DLGAP2: variants seen among roughly 807,000 people sequenced by gnomAD.
The protein encoded by DLGAP2 is disks large-associated protein 2.
In DLGAP2, 26 loss-of-function variants were observed where a neutral mutation model predicts 100.3. The ratio of observed to expected loss-of-function variants is 0.26; its 90% CI spans 0.19 to 0.36. DLGAP2 has a LOEUF of 0.36. Ranked by LOEUF, DLGAP2 falls within the 10% of genes least tolerant of loss-of-function variation. The probability of loss-of-function intolerance (pLI) is 1.00; values close to 1 mark genes in which losing one functional copy is unlikely to be tolerated. For synonymous variants in DLGAP2, 886 were observed against 630.1 expected (o/e 1.41, Z -6.08); for missense variants, 1,858 against 1,453.2 (o/e 1.28, Z -4.53).
intron 2 of DLGAP2, among the ~76,000 whole-genome samples, chr8:1,222,750 G>T (rs1270608255): frequency 6.6e-6 from 1 of 152,090 alleles, no homozygotes; most frequent in African/African-American, 2.4e-5. Flanking sequence ...GGCTCTGCTG[G>T]TGAGAGGGCT....
At chr8:1,214,637 G>A (rs1002303646) in intron 2 of DLGAP2, among the ~76,000 whole-genome samples, 7 of 152,182 alleles carry the variant, frequency 4.6e-5, no homozygotes, top group African/African-American at 1.7e-4. Flanking sequence ...CTTCCCTATT[G>A]TCTGTTTTCA....
chr8:1,492,744 C>G (rs940076926), intron 3 of DLGAP2, among the ~76,000 whole-genome samples: 2 of 152,210 alleles, frequency 1.3e-5, no homozygotes, highest in Admixed American at 1.3e-4. Flanking sequence ...CGGCTCCATG[C>G]TCATGGCGAC....
At chr8:1,494,478 C>A (rs970449365) in intron 3 of DLGAP2, among the ~76,000 whole-genome samples, 4 of 152,212 alleles carry the variant, frequency 2.6e-5, no homozygotes, top group Non-Finnish European at 5.9e-5. Flanking sequence ...ACGCCTTAAT[C>A]CCAGCACTTT....
At chr8:1,547,351 G>A (rs567424107) in intron 4 of DLGAP2, among the ~76,000 whole-genome samples, 4 of 152,112 alleles carry the variant, frequency 2.6e-5, no homozygotes, top group African/African-American at 7.2e-5. Context: ...TCCCCTAAAA[G>A]TTGGTGGATG....
At chr8:1,373,450 G>A (rs1162683999) in intron 3 of DLGAP2, among the ~76,000 whole-genome samples, 1 of 152,194 alleles carries the variant, frequency 6.6e-6, no homozygotes, top group African/African-American at 2.4e-5. Flanking sequence ...ACAGAGAGCC[G>A]TGTCGGCCGA....
chr8:1,297,894 C>T (rs1329265403), intron 3 of DLGAP2, among the ~76,000 whole-genome samples: 1 of 49,546 alleles, frequency 2.0e-5, no homozygotes, highest in Non-Finnish European at 3.9e-5. Flanking sequence ...GGAGGAGAAA[C>T]GTGGCAGGCA....
intron 1 of DLGAP2, among the ~76,000 whole-genome samples, chr8:833,885 T>C (rs1796825518): frequency 6.6e-6 from 1 of 152,242 alleles, no homozygotes. Flanking sequence ...GGTTGGATTA[T>C]CCTCTTTGCC....
intron 2 of DLGAP2, among the ~76,000 whole-genome samples, chr8:1,139,740 G>A (rs1378720649): frequency 6.6e-6 from 1 of 152,206 alleles, no homozygotes; most frequent in Non-Finnish European, 1.5e-5. Flanking sequence ...CCTTCTTGGA[G>A]AGGGAGTGAG....
intron 3 of DLGAP2, among the ~76,000 whole-genome samples, chr8:1,365,784 C>T (rs1174270481): frequency 3.3e-5 from 5 of 152,202 alleles, no homozygotes; most frequent in East Asian, 1.9e-4. Context: ...TGAGAAGGCA[C>T]GTGGGGGACC....
intron 2 of DLGAP2, among the ~76,000 whole-genome samples, chr8:925,956 A>T (rs1055411955): frequency 6.6e-6 from 1 of 152,154 alleles, no homozygotes; most frequent in Non-Finnish European, 1.5e-5. Flanking sequence ...AGGAGCGGAT[A>T]TGTCATGGAG....
At chr8:748,131 G>A (rs1419044315) in intron 1 of DLGAP2, among the ~76,000 whole-genome samples, 1 of 28,206 alleles carries the variant, frequency 3.5e-5, no homozygotes, top group African/African-American at 1.0e-4. Flanking sequence ...GCTCTGCGGT[G>A]GGATGGGCGG....
At chr8:1,062,018 G>A (rs924669583) in intron 2 of DLGAP2, among the ~76,000 whole-genome samples, 8 of 151,110 alleles carry the variant, frequency 5.3e-5, no homozygotes, top group African/African-American at 1.9e-4. Context: ...GGGATCATTT[G>A]TGAAATGAGA....
intron 3 of DLGAP2, among the ~76,000 whole-genome samples, chr8:1,287,137 T>TGTGG (rs1799939256): frequency 7.6e-6 from 1 of 131,222 alleles, no homozygotes; most frequent in Non-Finnish European, 1.7e-5. Flanking sequence ...TCAGCGTGTG[T>TGTGG]GTGTGTGTGT....
intron 3 of DLGAP2, among the ~76,000 whole-genome samples, chr8:1,343,728 C>T (rs977144256): frequency 6.6e-6 from 1 of 151,776 alleles, no homozygotes; most frequent in African/African-American, 2.4e-5. Flanking sequence ...GTTAGAGGCT[C>T]CGATGTGCAC....
intron 2 of DLGAP2, among the ~76,000 whole-genome samples, chr8:1,000,808 G>T (rs950110698): frequency 3.3e-5 from 5 of 152,280 alleles, no homozygotes; most frequent in Admixed American, 2.0e-4. Context: ...ACTCCAAGCA[G>T]CCTCTGTGGA....
Position 1,595,008 on chromosome 8 carries a change from T to C in DLGAP2, c.1442+29114T>C, listed in dbSNP as rs1317649823. On this transcript the variant is annotated intron_variant, in intron 6 of 14. Coordinates refer to ENST00000637795, the MANE Select transcript of DLGAP2 (RefSeq NM_001346810.2). Reference sequence around the variant, plus strand: ...TCCCATCTTGAATCCATACACACTGTCCTCCACACAACAGCTCCTGGGGTT... The same window carrying C: ...TCCCATCTTGAATCCATACACACTGCCCTCCACACAACAGCTCCTGGGGTT... Among the ~76,000 whole-genome samples the C allele has an allele frequency of 3.3e-5, 5 of 151,994 alleles. No homozygotes were observed. In the East Asian group the frequency reaches 9.7e-4, roughly 29 times the overall value.
chr8:1,529,263 T>A (rs994689584), intron 4 of DLGAP2, among the ~76,000 whole-genome samples: 36 of 152,196 alleles, frequency 2.4e-4, no homozygotes, highest in African/African-American at 8.4e-4. Flanking sequence ...TCTCACTCAC[T>A]ATCATGAGAA....
At chr8:1,500,594 C>T (rs1466944440) in intron 3 of DLGAP2, among the ~76,000 whole-genome samples, 1 of 152,240 alleles carries the variant, frequency 6.6e-6, no homozygotes, top group Non-Finnish European at 1.5e-5. Flanking sequence ...CGGGATGATG[C>T]TCAGTCCAGC....
intron 3 of DLGAP2, among the ~76,000 whole-genome samples, chr8:1,294,094 C>T (rs1301006958): frequency 6.6e-6 from 1 of 152,186 alleles, no homozygotes; most frequent in African/African-American, 2.4e-5. Context: ...TCCAACAAAA[C>T]TATGTGGAGG....
Sources: allele counts gnomAD v4.1 joint callset (sites outside exome capture counted in the v4.1 genomes callset), GRCh38; gene constraint gnomAD v4.1.1; transcripts MANE v1.5; gene names NCBI Gene and HGNC (gene_info 2026-07-23, HGNC 2026-07-21).